Variants in MCPH1 observed in about 807,000 individuals in gnomAD.
MCPH1 encodes microcephalin 1.
A neutral mutation model predicts 84.5 loss-of-function variants in MCPH1; 104 were observed. The ratio of observed to expected loss-of-function variants is 1.23; its 90% CI spans 1.05 to 1.45. MCPH1 has a LOEUF of 1.45. MCPH1 is among the 40% of genes most tolerant of loss of function. The pLI is 0.00. For synonymous variants in MCPH1, 514 were observed against 366.8 expected (o/e 1.40, Z -4.58); for missense variants, 1,498 against 1,005.7 (o/e 1.49, Z -6.62).
At chr8:6,614,157 A>G (rs1490599317) in intron 12 of MCPH1, among the ~76,000 whole-genome samples, 1 of 152,212 alleles carries the variant, frequency 6.6e-6, no homozygotes, top group Non-Finnish European at 1.5e-5. Flanking sequence ...GTTTTTCCAA[A>G]TGGTGGCCTC....
At chr8:6,424,957 A>G (rs770755843) in intron 3 of MCPH1, among the ~76,000 whole-genome samples, 5 of 152,234 alleles carry the variant, frequency 3.3e-5, no homozygotes, top group Admixed American at 6.5e-5. Context: ...AGATTAATGT[A>G]CTTTTCCTGA....
At chr8:6,486,683 C>A (rs1265085129) in intron 11 of MCPH1, among the ~76,000 whole-genome samples, 1 of 152,168 alleles carries the variant, frequency 6.6e-6, no homozygotes, top group African/African-American at 2.4e-5. Flanking sequence ...TTATGTTTTT[C>A]CTCCTTCATG....
intron 9 of MCPH1, among the ~76,000 whole-genome samples, chr8:6,458,345 G>A (rs1246426708): frequency 2.0e-5 from 3 of 151,764 alleles, no homozygotes; most frequent in Non-Finnish European, 2.9e-5. Flanking sequence ...AGTGGCGGGC[G>A]CCTGTAGTCC....
chr8:6,620,494 G>A (rs1831299657), intron 12 of MCPH1, among the ~76,000 whole-genome samples: 1 of 151,982 alleles, frequency 6.6e-6, no homozygotes, highest in African/African-American at 2.4e-5. Flanking sequence ...TGCTGCCCCT[G>A]ACTGAGAGGA....
intron 12 of MCPH1, among the ~76,000 whole-genome samples, chr8:6,589,372 T>C (rs376134963): frequency 2.5e-4 from 38 of 152,354 alleles, no homozygotes; most frequent in African/African-American, 8.9e-4. Flanking sequence ...TCTTCCTTCA[T>C]CTTTTATTAC....
At chr8:6,594,870 C>G (rs1828802122) in intron 12 of MCPH1, among the ~76,000 whole-genome samples, 1 of 152,154 alleles carries the variant, frequency 6.6e-6, no homozygotes. Flanking sequence ...CTGGGGAGGA[C>G]CTAGTTTAAA....
intron 12 of MCPH1, among the ~76,000 whole-genome samples, chr8:6,538,113 T>C (rs549789243): frequency 6.6e-6 from 1 of 152,196 alleles, no homozygotes; most frequent in Non-Finnish European, 1.5e-5. Flanking sequence ...TACACGTTTT[T>C]CTATCCCAAT....
At chr8:6,621,204 G>A in intron 12 of MCPH1, 2 of 550,992 alleles carry the variant, frequency 3.6e-6, no homozygotes, top group South Asian at 2.1e-5. Context: ...TAATTCAAAG[G>A]CCTACACTTT....
intron 12 of MCPH1, among the ~76,000 whole-genome samples, chr8:6,558,164 G>A (rs933023257): frequency 1.3e-4 from 20 of 152,118 alleles, no homozygotes; most frequent in East Asian, 5.8e-4. Flanking sequence ...GCCACTGTAC[G>A]TGTTTTAAAA....
intron 11 of MCPH1, among the ~76,000 whole-genome samples, chr8:6,495,566 C>G (rs371954146): frequency 1.3e-5 from 2 of 152,164 alleles, no homozygotes; most frequent in Non-Finnish European, 2.9e-5. Flanking sequence ...TGAGAACAAT[C>G]TTTGTAATTT....
At chr8:6,523,312 AATT>A (rs1056919764) in intron 12 of MCPH1, among the ~76,000 whole-genome samples, 1 of 151,768 alleles carries the variant, frequency 6.6e-6, no homozygotes, top group Non-Finnish European at 1.5e-5. Context: ...GCTTTTTAAA[AATT>A]ATTTAGAGAG....
At chr8:6,491,926 A>G (rs1401848320) in intron 11 of MCPH1, among the ~76,000 whole-genome samples, 3 of 152,280 alleles carry the variant, frequency 2.0e-5, no homozygotes, top group Non-Finnish European at 4.4e-5. Flanking sequence ...AAATAGTGCC[A>G]CAGTAAACAC....
chr8:6,638,848 G>A (rs1442832669), intron 13 of MCPH1, among the ~76,000 whole-genome samples: 1 of 152,114 alleles, frequency 6.6e-6, no homozygotes, highest in African/African-American at 2.4e-5. Context: ...GGGCTGTGAG[G>A]GGCTCCCTGG....
chr8:6,531,871 A>G (rs1275591244), intron 12 of MCPH1, among the ~76,000 whole-genome samples: 1 of 152,120 alleles, frequency 6.6e-6, no homozygotes, highest in Non-Finnish European at 1.5e-5. Context: ...AACTCATTCC[A>G]CAGGCTGTGT....
chr8:6,577,026 G>T (rs1177577305), intron 12 of MCPH1, among the ~76,000 whole-genome samples: 1 of 152,066 alleles, frequency 6.6e-6, no homozygotes, highest in Non-Finnish European at 1.5e-5. Flanking sequence ...CCTTTGCCAC[G>T]GAACCTGAAA....
intron 12 of MCPH1, 76 bp downstream of exon 12, chr8:6,500,005 C>A: frequency 7.7e-7 from 1 of 1,305,042 alleles, no homozygotes; most frequent in Non-Finnish European, 1.1e-6. Context: ...TAAGGGTGGA[C>A]TTAAGTTTTT....
chr8:6,574,644 G>A (rs73201324), intron 12 of MCPH1, among the ~76,000 whole-genome samples: 5 of 152,314 alleles, frequency 3.3e-5, no homozygotes, highest in African/African-American at 7.2e-5. Context: ...TGAAAAATAC[G>A]ATGGTTGGAA....
chr8:6,597,421 A>G (rs978776497), intron 12 of MCPH1, among the ~76,000 whole-genome samples: 1 of 152,204 alleles, frequency 6.6e-6, no homozygotes, highest in Non-Finnish European at 1.5e-5. Flanking sequence ...TTTGGCTACA[A>G]GTGGCAAATA....
At chr8:6,613,460 G>GGT (rs1430807270) in intron 12 of MCPH1, among the ~76,000 whole-genome samples, 1 of 152,068 alleles carries the variant, frequency 6.6e-6, no homozygotes, top group African/African-American at 2.4e-5. Flanking sequence ...GGGGTGGTGG[G>GGT]CTGTGTGCTG....
Sources: gnomAD v4.1 joint callset for allele counts (sites outside exome capture counted in the v4.1 genomes callset) on GRCh38, gnomAD v4.1.1 for gene constraint, MANE v1.5 for transcripts, NCBI Gene and HGNC (gene_info 2026-07-23, HGNC 2026-07-21) for gene names.